Variants in COX6A1 observed in about 807,000 individuals in gnomAD.
COX6A1 encodes the protein cytochrome c oxidase subunit 6A1, mitochondrial.
A neutral mutation model predicts 11.3 loss-of-function variants in COX6A1; 10 were observed. The ratio of observed to expected loss-of-function variants is 0.88; its 90% CI spans 0.54 to 1.50. The LOEUF (loss-of-function observed/expected upper bound fraction) is 1.50, where lower values mean the gene tolerates loss of function less well. COX6A1 is among the 40% of genes most tolerant of loss of function. The pLI is 0.00. For synonymous variants in COX6A1, 81 were observed against 60.6 expected (o/e 1.34, Z -1.57); for missense variants, 149 against 147.6 (o/e 1.01, Z -0.05).
intron 1 of COX6A1, 37 bp downstream of exon 1, chr12:120,438,266 C>T (rs367839794): frequency 1.2e-6 from 2 of 1,612,178 alleles, no homozygotes; most frequent in African/African-American, 2.7e-5. Flanking sequence ...AGCCTCAGCC[C>T]CACTCGGGCG....
chr12:120,439,648 T>C (rs1013609575), intron 2 of COX6A1, among the ~76,000 whole-genome samples: 3 of 152,188 alleles, frequency 2.0e-5, no homozygotes, highest in African/African-American at 7.2e-5. Flanking sequence ...ACTGGCCTTG[T>C]AGAAACTTAA....
chr12:120,438,372 T>A lies in COX6A1; in HGVS notation c.104-7T>A. 6.2e-7 allele frequency: 1 copy of A among 1,614,178 alleles called. No individual in the cohort carries two copies. Among genetic ancestry groups the A allele is most frequent in the Non-Finnish European group, 8.5e-7 (1 of 1,180,044 alleles). On this transcript the variant is annotated splice_polypyrimidine_tract_variant and splice_region_variant and intron_variant, in intron 1 of 2. Coordinates refer to ENST00000229379, the MANE Select transcript of COX6A1 (RefSeq NM_004373.4). ...ACCGGCGCTGAACGTTTGTGGCTTC[T>A]CCGCAGCTCGCATGTGGAAGACTCT...
rs1877701009 is a variant in COX6A1, at chr12:120,440,668, T to A, written c.*131T>A. The A allele has an allele frequency of 4.9e-6, 3 of 606,392 alleles. No homozygotes were observed. Among genetic ancestry groups the A allele is most frequent in the Non-Finnish European group, 8.9e-6 (3 of 336,322 alleles). The allele number at this position is 606,392 out of a possible 1,614,324, so 37.6% of individuals were successfully genotyped here. On this transcript the variant is annotated 3_prime_UTR_variant, in exon 3 of 3. Transcript: ENST00000229379. ...TTTACTTGTATCAAATGATGACTGG[T>A]ATACTGGTCTCCCATCCCTTTGCTT...
At chr12:120,438,557 C>T in intron 2 of COX6A1, 36 bp downstream of exon 2, 2 of 1,614,162 alleles carry the variant, frequency 1.2e-6, no homozygotes, top group East Asian at 2.2e-5. Flanking sequence ...CGTCCGTTCT[C>T]TTTTCGTTAT....
At chr12:120,440,336 A>G (rs1344039350) in intron 2 of COX6A1, 118 bp from the exon 3 acceptor site, 2 of 705,804 alleles carry the variant, frequency 2.8e-6, no homozygotes, top group African/African-American at 3.6e-5. Context: ...CAGTAGATAA[A>G]GGACTAATTT....
chr12:120,439,592 AGTT>A, intron 2 of COX6A1, among the ~76,000 whole-genome samples: 1 of 152,002 alleles, frequency 6.6e-6, no homozygotes, highest in South Asian at 2.1e-4. Flanking sequence ...TGATGAAAAA[AGTT>A]ATTATTATTA....
rs1454552603 is a variant in COX6A1 at position 120,438,119 on chromosome 12, G to A, written c.-8G>A. On this transcript the variant is annotated 5_prime_UTR_variant, in exon 1 of 3. Coordinates refer to ENST00000229379, the MANE Select transcript of COX6A1 (RefSeq NM_004373.4). ...CCGCTTCCGGCGCTGCGGCAGTCCAGATCAAAAATGGCGGTAGTTGGTGTG... is the reference window on the plus strand; with the variant it reads ...CCGCTTCCGGCGCTGCGGCAGTCCAAATCAAAAATGGCGGTAGTTGGTGTG... The A allele has an allele frequency of 6.2e-7, 1 of 1,613,128 alleles. No homozygotes were observed.
In COX6A1 at chr12:120,438,607, G is replaced by A. The variant is rs1592976926; in HGVS notation, c.246+86G>A. On this transcript the variant is annotated intron_variant, in intron 2 of 2. Coordinates refer to ENST00000229379, the MANE Select transcript of COX6A1 (RefSeq NM_004373.4). ...AAGTTCTTCATTCTCTGAAGGCATG[G>A]GTGCCAGGCGTGTACAGCTTGTTTA... The A allele has an allele frequency of 2.5e-6, 4 of 1,578,508 alleles. No individual in the cohort carries two copies. In the East Asian group the frequency reaches 9.0e-5, roughly 35 times the overall value.
rs1434671043 is a variant in COX6A1, at chr12:120,438,394, C to T, written c.119C>T (p.Thr40Ile). 6.2e-7 allele frequency: 1 copy of T among 1,614,104 alleles called. No homozygotes were observed. Among genetic ancestry groups the T allele is most frequent in the East Asian group, 2.2e-5 (1 of 44,894 alleles). ...GEEGSARMWK[T>I]LTFFVALPGV... ...TTCTCCGCAGCTCGCATGTGGAAGA[C>T]TCTCACCTTCTTCGTCGCGCTCCCC... Residue 40 changes from threonine (T) to isoleucine (I), a missense_variant, in exon 2 of 3, where the codon ACT becomes ATT. Physicochemically the swap from Thr to Ile is moderately conservative, Grantham distance 89. Coordinates refer to ENST00000229379, the MANE Select transcript of COX6A1 (RefSeq NM_004373.4).
chr12:120,438,729 A>G, intron 2 of COX6A1: 2 of 589,736 alleles, frequency 3.4e-6, no homozygotes, highest in Non-Finnish European at 5.9e-6. Context: ...TCATACAATA[A>G]GTGCTCTTCA....
intron 2 of COX6A1, among the ~76,000 whole-genome samples, chr12:120,439,148 GTT>G (rs1444189955): frequency 6.6e-5 from 10 of 152,194 alleles, no homozygotes; most frequent in African/African-American, 2.4e-4. Flanking sequence ...TTTCTCGACT[GTT>G]TTATCATTGG....
rs1345292051 is a variant in COX6A1, at chr12:120,438,512, C to T, written c.237C>T (p.Ile79=). 2 of 1,614,220 alleles carry T rather than the reference C, an allele frequency of 1.2e-6. No homozygotes were observed. The highest frequency in any genetic ancestry group is 8.5e-7 in the Non-Finnish European group (1 of 1,180,040). The change falls in exon 2 of 3, where the codon ATC becomes ATT. Residue 79 remains isoleucine (I), a synonymous_variant. Transcript: ENST00000229379. ...TCATCGCCTACCCCCATCTCCGCATCAGGACCAAGGTACGCCCTTGTACAT... is the reference window on the plus strand; with the variant it reads ...TCATCGCCTACCCCCATCTCCGCATTAGGACCAAGGTACGCCCTTGTACAT... The part of the protein sequence containing the change: ...PEFIAYPHLR[I]RTKPFPWGDG...
At chr12:120,438,964 G>C (rs73221362) in intron 2 of COX6A1, among the ~76,000 whole-genome samples, 6,682 of 152,212 alleles carry the variant, frequency 0.044, 248 homozygotes, top group South Asian at 0.094. Context: ...CTTGAACCTA[G>C]GAGGCGGAGT....
intron 2 of COX6A1, 22 bp from the exon 3 acceptor site, chr12:120,440,432 A>G (rs756005281): frequency 1.9e-6 from 3 of 1,575,472 alleles, no homozygotes; most frequent in Non-Finnish European, 2.6e-6. Context: ...GGAATTATCT[A>G]ACTGACATCT....
chr12:120,440,576 G>A lies in COX6A1; in HGVS notation c.*39G>A. ...CACTACCCGGGCACCAGGGACCACA[G>A]CACTGGTTTGGACCGTTACTCTGCA... On this transcript the variant is annotated 3_prime_UTR_variant, in exon 3 of 3. Coordinates refer to ENST00000229379, the MANE Select transcript of COX6A1 (RefSeq NM_004373.4). 1 of 1,452,728 alleles carries A rather than the reference G, an allele frequency of 6.9e-7. No homozygotes were observed. The highest frequency in any genetic ancestry group is 1.1e-5 in the South Asian group (1 of 87,542). The allele number at this position is 1,452,728 out of a possible 1,614,324, so 90.0% of individuals were successfully genotyped here. A position where few individuals can be genotyped will look rare whatever the true frequency, so the allele number is the denominator to read the frequency against.
rs762086520 is a variant in COX6A1, at chr12:120,438,135, A to G, written c.9A>G (p.Val3=). ...GGCAGTCCAGATCAAAAATGGCGGT[A>G]GTTGGTGTGTCCTCGGTTTCTCGGC... The part of the protein sequence containing the change: MA[V]VGVSSVSRLL... Residue 3 remains valine (V), a synonymous_variant, in exon 1 of 3, where the codon GTA becomes GTG. Coordinates refer to ENST00000229379, the MANE Select transcript of COX6A1 (RefSeq NM_004373.4). The G allele has an allele frequency of 6.2e-6, 10 of 1,613,324 alleles. No individual in the cohort carries two copies. The highest frequency in any genetic ancestry group is 1.1e-5 in the South Asian group (1 of 91,016).
Position 120,440,495 on chromosome 12 carries a change from C to A in COX6A1, c.288C>A (p.Asn96Lys), listed in dbSNP as rs755039018. Residue 96 changes from asparagine to lysine, a missense_variant, in exon 3 of 3, where the codon AAC becomes AAA. Asn to Lys is a moderately conservative substitution (Grantham distance 94). Coordinates refer to ENST00000229379, the MANE Select transcript of COX6A1 (RefSeq NM_004373.4). ...WGDGNHTLFH[N>K]PHVNPLPTGY... ...ATGGTAACCATACTCTATTCCATAA[C>A]CCTCATGTGAATCCACTTCCAACTG... is the stretch of plus-strand genomic sequence containing the variant. 1 of 1,613,302 alleles carries A rather than the reference C, an allele frequency of 6.2e-7. No individual in the cohort carries two copies. The highest frequency in any genetic ancestry group is 2.2e-5 in the East Asian group (1 of 44,900).
chr12:120,440,380 T>C, intron 2 of COX6A1, 74 bp from the exon 3 acceptor site: 1 of 1,177,540 alleles, frequency 8.5e-7, no homozygotes, highest in South Asian at 1.2e-5. Context: ...TGTCACCCCG[T>C]TATAAGCAGT....
intron 2 of COX6A1, chr12:120,439,854 G>C (rs1483851036): frequency 1.3e-5 from 2 of 152,584 alleles, no homozygotes; most frequent in Non-Finnish European, 2.9e-5. Context: ...GGTGGCAGTA[G>C]TACCTGCGCA....
Sources: allele counts gnomAD v4.1 joint callset (sites outside exome capture counted in the v4.1 genomes callset), GRCh38; gene constraint gnomAD v4.1.1; transcripts MANE v1.5; gene names NCBI Gene and HGNC (gene_info 2026-07-23, HGNC 2026-07-21).